DYNC1LI2: variants seen among roughly 807,000 people sequenced by gnomAD.
DYNC1LI2 encodes the protein dynein cytoplasmic 1 light intermediate chain 2.
DYNC1LI2 carries 19 observed loss-of-function variants against 57.8 expected under a neutral mutation model. That is an observed-to-expected ratio of 0.33 (90% confidence interval 0.23 to 0.48). The LOEUF is 0.48. DYNC1LI2 is among the 20% of genes least tolerant of loss of function. The pLI, the probability that DYNC1LI2 is intolerant of heterozygous loss-of-function variation, is 0.99. For missense variants in DYNC1LI2, 470 were observed against 604.2 expected, an observed-to-expected ratio of 0.78 and a Z score of 2.33; for synonymous variants, 256 against 233.4, an observed-to-expected ratio of 1.10 and a Z score of -0.88.
chr16:66,729,127 C>T (rs759322937), intron 8 of DYNC1LI2, 28 bp from the exon 9 acceptor site: 34 of 1,613,494 alleles, frequency 2.1e-5, no homozygotes, highest in African/African-American at 5.3e-5. Context: ...TGTTTGTGGC[C>T]ACAGGCCAAG....
In DYNC1LI2 at chr16:66,736,057, C is replaced by T. The variant is rs2017727503; in HGVS notation, c.699+18G>A. ...CACCACCCGAACCCAGCCAAGCCAA[C>T]AACCCCCTGGCACACACCTTTGTGC... On this transcript the variant is annotated intron_variant, in intron 5 of 12. Coordinates refer to ENST00000258198, the MANE Select transcript of DYNC1LI2 (RefSeq NM_006141.3). The T allele has an allele frequency of 1.2e-6, 2 of 1,603,492 alleles. No homozygotes were observed. The highest frequency in any genetic ancestry group is 1.7e-5 in the Admixed American group (1 of 59,626).
chr16:66,727,911 G>A, intron 10 of DYNC1LI2, 106 bp from the exon 11 acceptor site: 2 of 1,053,890 alleles, frequency 1.9e-6, no homozygotes, highest in Non-Finnish European at 2.8e-6. Context: ...ACAGGCTATG[G>A]TACAGGACTG....
At chr16:66,725,178 CAAA>C (rs34062942) in intron 12 of DYNC1LI2, among the ~76,000 whole-genome samples, 3 of 123,194 alleles carry the variant, frequency 2.4e-5, no homozygotes, top group Admixed American at 8.3e-5. Context: ...CCATCTCTAT[CAAA>C]AAAAAAAAAA....
intron 5 of DYNC1LI2, among the ~76,000 whole-genome samples, chr16:66,735,437 T>C (rs983581218): frequency 6.6e-6 from 1 of 152,048 alleles, no homozygotes; most frequent in Non-Finnish European, 1.5e-5. Flanking sequence ...TCATTCTAAT[T>C]TTCCACCATC....
At chr16:66,728,073 T>C (rs566238584) in intron 10 of DYNC1LI2, 128 bp downstream of exon 10, 2 of 1,334,138 alleles carry the variant, frequency 1.5e-6, no homozygotes, top group Non-Finnish European at 2.1e-6. Context: ...CATGGGTCTT[T>C]AGGGAAACCA....
In DYNC1LI2 at chr16:66,728,082, C is replaced by A. The variant is rs1273086471; in HGVS notation, c.1143+119G>T. ...TCTGGTCATGGGTCTTTAGGGAAACCAAATTCCCACTGAAAATACAAAACC... is the reference window on the plus strand; with the variant it reads ...TCTGGTCATGGGTCTTTAGGGAAACAAAATTCCCACTGAAAATACAAAACC... On this transcript the variant is annotated intron_variant, in intron 10 of 12. Transcript: ENST00000258198. 6.4e-6 allele frequency: 9 copies of A among 1,405,596 alleles called. No individual in the cohort carries two copies. The Admixed American group carries it at 1.9e-4, about 29-fold the overall frequency. 87.1% of individuals were successfully genotyped at this position (1,405,596 alleles called of 1,614,324 possible).
At chr16:66,732,704 A>G (rs1195099452) in intron 6 of DYNC1LI2, 3 of 375,686 alleles carry the variant, frequency 8.0e-6, no homozygotes, top group Non-Finnish European at 1.4e-5. Flanking sequence ...TAGCAGATGA[A>G]TGAAGTCAAA....
Position 66,723,740 on chromosome 16 carries a change from T to G in DYNC1LI2, c.1461A>C (p.Ser487=). Residue 487 remains serine, a synonymous_variant, in exon 13 of 13, where the codon TCA becomes TCC. Coordinates refer to ENST00000258198, the MANE Select transcript of DYNC1LI2 (RefSeq NM_006141.3). ...AGGAGGTTCAGGCTTCATTTTCTGT[T>G]GAAGAGTTTGTTACCATAGAGTCTG... ...RKPDSMVTNS[S]TENEA is the part of the protein sequence containing the mutation. 6.2e-7 allele frequency: 1 copy of G among 1,605,782 alleles called. No individual in the cohort carries two copies. The highest frequency in any genetic ancestry group is 8.5e-7 in the Non-Finnish European group (1 of 1,178,036).
At position 66,738,088 on chromosome 16, in the gene DYNC1LI2, C is replaced by T. The variant is rs139053089; in HGVS notation, c.530-1844G>A. Among the ~76,000 whole-genome samples, 14 of 152,296 alleles carry T rather than the reference C, an allele frequency of 9.2e-5. No homozygotes were observed. In the East Asian group the frequency reaches 2.7e-3, roughly 29 times the overall value. On this transcript the variant is annotated intron_variant, in intron 4 of 12. Coordinates refer to ENST00000258198, the MANE Select transcript of DYNC1LI2 (RefSeq NM_006141.3). ...CAGAACACGTTTCAAACATTTCAAA[C>T]CACGAGTTTTTATTTACAAAGATTT... is the stretch of plus-strand genomic sequence containing the variant.
In DYNC1LI2 at chr16:66,723,738, G is replaced by T; in HGVS notation, c.1463C>A (p.Thr488Lys). Residue 488 changes from threonine (T) to lysine (K), a missense_variant, in exon 13 of 13, where the codon ACA (threonine) becomes AAA (lysine). Coordinates refer to ENST00000258198, the MANE Select transcript of DYNC1LI2 (RefSeq NM_006141.3). ...KPDSMVTNSSTENEA is the reference protein window; with the variant it reads ...KPDSMVTNSSKENEA ...TAAGGAGGTTCAGGCTTCATTTTCTGTTGAAGAGTTTGTTACCATAGAGTC... is the reference window on the plus strand; with the variant it reads ...TAAGGAGGTTCAGGCTTCATTTTCTTTTGAAGAGTTTGTTACCATAGAGTC... 1.2e-6 allele frequency: 2 copies of T among 1,604,692 alleles called. No individual in the cohort carries two copies. Among genetic ancestry groups the T allele is most frequent in the Non-Finnish European group, 8.5e-7 (1 of 1,177,794 alleles).
intron 9 of DYNC1LI2, among the ~76,000 whole-genome samples, chr16:66,728,645 TCTC>T (rs1437056482): frequency 6.6e-6 from 1 of 152,160 alleles, no homozygotes; most frequent in Non-Finnish European, 1.5e-5. Context: ...GGGAAGTTAC[TCTC>T]CTCATCTGCA....
intron 3 of DYNC1LI2, among the ~76,000 whole-genome samples, chr16:66,747,182 G>C (rs1396958323): frequency 1.3e-5 from 2 of 151,812 alleles, no homozygotes; most frequent in Non-Finnish European, 2.9e-5. Context: ...AGGTTGAAGC[G>C]ATTCTCCTGC....
intron 3 of DYNC1LI2, among the ~76,000 whole-genome samples, chr16:66,747,366 G>A (rs747331144): frequency 5.3e-5 from 8 of 151,730 alleles, no homozygotes; most frequent in East Asian, 2.0e-4. Context: ...GTGAGCCACC[G>A]CGCCCAGCCA....
At chr16:66,745,688 G>A (rs187087412) in intron 3 of DYNC1LI2, among the ~76,000 whole-genome samples, 1 of 151,774 alleles carries the variant, frequency 6.6e-6, no homozygotes, top group Non-Finnish European at 1.5e-5. Context: ...TGGATCACTT[G>A]AGCTCAAGAG....
chr16:66,742,281 GACT>G (rs1323258322), intron 4 of DYNC1LI2, among the ~76,000 whole-genome samples, 154 bp downstream of exon 4: 1 of 152,164 alleles, frequency 6.6e-6, no homozygotes, highest in African/African-American at 2.4e-5. Flanking sequence ...GAATACTTTT[GACT>G]ACTGAGTTTA....
At chr16:66,737,453 G>A (rs908233803) in intron 4 of DYNC1LI2, among the ~76,000 whole-genome samples, 1 of 145,778 alleles carries the variant, frequency 6.9e-6, no homozygotes, top group Admixed American at 7.1e-5. Flanking sequence ...GAACCAGGGA[G>A]TCGGAGGTTG....
Position 66,751,533 on chromosome 16 carries a change from G to A in DYNC1LI2, c.59C>T (p.Ala20Val), listed in dbSNP as rs1389715219. Reference sequence around the variant, plus strand: ...CTCACTGGTCAGGTCGCCGGCGGCCGCCACCGCGGGCCCGTTGGGACCTAG... The same window carrying A: ...CTCACTGGTCAGGTCGCCGGCGGCCACCACCGCGGGCCCGTTGGGACCTAG... The part of the protein sequence containing the change: ...LLLGPNGPAV[A>V]AAGDLTSEEE... The change falls in exon 1 of 13, where the codon GCG becomes GTG. Residue 20 changes from alanine (A) to valine (V), a missense_variant. Ala to Val is a moderately conservative substitution (Grantham distance 64). Coordinates refer to ENST00000258198, the MANE Select transcript of DYNC1LI2 (RefSeq NM_006141.3). This position sits in a 1 kb window ranked among gnomAD's most constrained non-coding sequence, Gnocchi z 5.2. 2 of 1,587,418 alleles carry A rather than the reference G, an allele frequency of 1.3e-6. No homozygotes were observed. Among genetic ancestry groups the A allele is most frequent in the East Asian group, 2.4e-5 (1 of 41,198 alleles).
chr16:66,742,490 G>A lies in DYNC1LI2; in HGVS notation c.477C>T (p.His159=), dbSNP rs1297471902. ...CTGGTGGAATTTTCATTTTATCAAT[G>A]TGCTCACGTAAAACACTAGCCCATT... The part of the protein sequence containing the change: ...LQKWASVLRE[H]IDKMKIPPEK... Residue 159 remains histidine, a synonymous_variant, in exon 4 of 13, where the codon CAC becomes CAT. Coordinates refer to ENST00000258198, the MANE Select transcript of DYNC1LI2 (RefSeq NM_006141.3). 3.1e-6 allele frequency: 5 copies of A among 1,614,112 alleles called. No individual in the cohort carries two copies. The South Asian group carries it at 3.3e-5, about 11-fold the overall frequency.
intron 3 of DYNC1LI2, among the ~76,000 whole-genome samples, chr16:66,746,890 C>T (rs528533094): frequency 1.1e-3 from 170 of 152,316 alleles, no homozygotes; most frequent in African/African-American, 3.7e-3. Context: ...TGAACGAGTT[C>T]TGCCTGGCTC....
Sources: gnomAD v4.1 joint callset for allele counts (sites outside exome capture counted in the v4.1 genomes callset) on GRCh38, gnomAD v4.1.1 for gene constraint, Gnocchi (gnomAD v3.1) non-coding constraint, MANE v1.5 for transcripts, NCBI Gene and HGNC (gene_info 2026-07-23, HGNC 2026-07-21) for gene names.